Variants in PXDNL observed in about 807,000 individuals in gnomAD.
The protein encoded by PXDNL is peroxidasin like.
In PXDNL, 145 loss-of-function variants were observed where a neutral mutation model predicts 150.8. That is an observed-to-expected ratio of 0.96 (90% CI 0.84 to 1.10). The LOEUF is 1.10. Among genes scored for constraint, PXDNL ranks in the 50% least tolerant of loss-of-function variants. The pLI is 0.00. For synonymous variants in PXDNL, 757 were observed against 725.7 expected (o/e 1.04, Z -0.69); for missense variants, 2,087 against 1,873.9 (o/e 1.11, Z -2.10).
intron 1 of PXDNL, among the ~76,000 whole-genome samples, chr8:51,762,129 T>C (rs530504216): frequency 6.6e-6 from 1 of 152,214 alleles, no homozygotes; most frequent in South Asian, 2.1e-4. Flanking sequence ...TCTGATTTTT[T>C]TTATCTTGCC....
intron 18 of PXDNL, among the ~76,000 whole-genome samples, chr8:51,373,646 GA>G (rs1202646773): frequency 2.0e-5 from 3 of 152,262 alleles, no homozygotes; most frequent in Admixed American, 2.0e-4. Context: ...TTTGTAAAGG[GA>G]AGGGATTTAA....
chr8:51,638,387 T>A (rs1294850933), intron 2 of PXDNL, among the ~76,000 whole-genome samples: 2 of 152,150 alleles, frequency 1.3e-5, no homozygotes, highest in Non-Finnish European at 2.9e-5. Flanking sequence ...AATGCTCCAA[T>A]TAAAAGACAC....
chr8:51,804,732 AG>A (rs2037658007), intron 1 of PXDNL, among the ~76,000 whole-genome samples: 1 of 152,162 alleles, frequency 6.6e-6, no homozygotes, highest in African/African-American at 2.4e-5. Context: ...CACTTAGTGT[AG>A]GGAACACTGT....
chr8:51,506,253 C>T (rs955762571), intron 4 of PXDNL, among the ~76,000 whole-genome samples: 1 of 152,056 alleles, frequency 6.6e-6, no homozygotes, highest in Non-Finnish European at 1.5e-5. Flanking sequence ...AGAATAGTTA[C>T]AGAAAAAGGC....
chr8:51,411,278 C>T lies in PXDNL; in HGVS notation c.2034G>A (p.Gln678=). 6.6e-7 allele frequency: 1 copy of T among 1,522,330 alleles called. No individual in the cohort carries two copies. The highest frequency in any genetic ancestry group is 8.8e-7 in the Non-Finnish European group (1 of 1,138,148). 94.3% of individuals were successfully genotyped at this position (1,522,330 alleles called of 1,614,324 possible). The change falls in exon 16 of 23, where the codon CAG becomes CAA. Residue 678 remains glutamine (Q), a synonymous_variant. Transcript: ENST00000356297. ...TGCCTTCCAAGTCCACAGTGAGCCC[C>T]TGCTTCACACGTTCCCGTATCAGCT... ...TLQLIRERVK[Q]GLTVDLEGKE...
chr8:51,733,109 C>T (rs954709784), intron 1 of PXDNL, among the ~76,000 whole-genome samples: 2 of 152,192 alleles, frequency 1.3e-5, no homozygotes, highest in African/African-American at 4.8e-5. Context: ...ATGGTAGGTG[C>T]TCAGTAGTTA....
intron 2 of PXDNL, among the ~76,000 whole-genome samples, chr8:51,627,522 A>AT (rs1255966681): frequency 6.6e-6 from 1 of 152,186 alleles, no homozygotes; most frequent in African/African-American, 2.4e-5. Flanking sequence ...AAATGTCAGA[A>AT]TAAAAAAAAT....
intron 4 of PXDNL, among the ~76,000 whole-genome samples, chr8:51,534,234 A>G (rs1449753521): frequency 8.1e-6 from 1 of 123,784 alleles, no homozygotes. Context: ...GAAGTAAGGA[A>G]ACCCTCCGCC....
chr8:51,413,014 A>T, intron 15 of PXDNL, 136 bp downstream of exon 15: 1 of 602,938 alleles, frequency 1.7e-6, no homozygotes, highest in Non-Finnish European at 2.9e-6. Flanking sequence ...TGGCTAGCCC[A>T]GATGGGGATG....
At chr8:51,563,010 A>G (rs569562905) in intron 3 of PXDNL, among the ~76,000 whole-genome samples, 1 of 152,026 alleles carries the variant, frequency 6.6e-6, no homozygotes, top group East Asian at 2.0e-4. Flanking sequence ...AAAGAAATAG[A>G]GTAGCCCCAG....
intron 1 of PXDNL, chr8:51,721,914 C>A: frequency 3.8e-6 from 1 of 264,040 alleles, no homozygotes; most frequent in South Asian, 5.2e-5. Flanking sequence ...TGAAAGTGTT[C>A]CCAGAGATAC....
chr8:51,717,008 T>C (rs1816627585), intron 1 of PXDNL, among the ~76,000 whole-genome samples: 1 of 152,220 alleles, frequency 6.6e-6, no homozygotes, highest in Non-Finnish European at 1.5e-5. Context: ...ATGAACTATT[T>C]GCACCATACA....
chr8:51,378,816 G>A (rs979157343), intron 17 of PXDNL, among the ~76,000 whole-genome samples: 3 of 152,162 alleles, frequency 2.0e-5, no homozygotes, highest in Admixed American at 6.5e-5. Context: ...AAGCCAGCAA[G>A]ACTATGAACC....
intron 17 of PXDNL, among the ~76,000 whole-genome samples, chr8:51,392,971 A>G (rs901301147): frequency 1.3e-4 from 20 of 152,202 alleles, no homozygotes; most frequent in Admixed American, 4.6e-4. Context: ...CAGCCATTTG[A>G]AAATATATTT....
chr8:51,631,005 T>G (rs1814478418), intron 2 of PXDNL, among the ~76,000 whole-genome samples: 1 of 151,982 alleles, frequency 6.6e-6, no homozygotes. Context: ...GCACTATTCA[T>G]AACAACGAAG....
chr8:51,744,569 A>T lies in PXDNL; in HGVS notation c.164+64612T>A, dbSNP rs13262983. 4.1e-5 allele frequency among the ~76,000 whole-genome samples: 6 copies of T among 145,578 alleles called. 1 individual carries two copies. The highest frequency in any genetic ancestry group is 1.5e-4 in the African/African-American group (6 of 39,486). ...CAGGCGCCTGCAGTCCCAGCTACTC[A>T]GGAGGCTGAGGCAGGAGAATGGCAT... On this transcript the variant is annotated intron_variant, in intron 1 of 22. Coordinates refer to ENST00000356297, the MANE Select transcript of PXDNL (RefSeq NM_144651.5).
intron 3 of PXDNL, among the ~76,000 whole-genome samples, chr8:51,569,536 T>C (rs1812888045): frequency 1.3e-5 from 2 of 152,004 alleles, no homozygotes; most frequent in Admixed American, 1.3e-4. Context: ...AAAAGCAACA[T>C]AATTTAGTAT....
At chr8:51,672,576 C>T (rs565467117) in intron 1 of PXDNL, among the ~76,000 whole-genome samples, 2 of 152,104 alleles carry the variant, frequency 1.3e-5, no homozygotes, top group African/African-American at 2.4e-5. Context: ...TCATATGTTG[C>T]CTATTACAGT....
At chr8:51,636,327 T>C (rs892227830) in intron 2 of PXDNL, among the ~76,000 whole-genome samples, 3 of 152,152 alleles carry the variant, frequency 2.0e-5, no homozygotes, top group African/African-American at 7.2e-5. Context: ...TATTTAACGC[T>C]ATATTGGAAG....
Sources: gnomAD v4.1 joint callset for allele counts (sites outside exome capture counted in the v4.1 genomes callset) on GRCh38, gnomAD v4.1.1 for gene constraint, MANE v1.5 for transcripts, NCBI Gene and HGNC (gene_info 2026-07-23, HGNC 2026-07-21) for gene names.